GRIA2: variants seen among roughly 807,000 people sequenced by gnomAD.
GRIA2 encodes the protein glutamate receptor 2.
Under a neutral mutation model 97.3 loss-of-function variants are expected in GRIA2, and 14 were observed. The observed-to-expected ratio is 0.14, with a 90% confidence interval of 0.10 to 0.23. GRIA2 has a LOEUF of 0.23. Ranked by LOEUF, GRIA2 falls within the 10% of genes least tolerant of loss-of-function variation. The pLI is 1.00. For synonymous variants in GRIA2, 412 were observed against 387.8 expected (o/e 1.06, Z -0.73); for missense variants, 558 against 1,069.8 (o/e 0.52, Z 6.67).
chr4:157,331,928 G>C (rs1735065701), intron 6 of GRIA2, among the ~76,000 whole-genome samples: 2 of 151,960 alleles, frequency 1.3e-5, no homozygotes, highest in Admixed American at 1.3e-4. Context: ...AGTCAGTATG[G>C]TACAGTACTG....
chr4:157,356,646 A>T (rs1736391124), intron 12 of GRIA2, among the ~76,000 whole-genome samples: 1 of 152,178 alleles, frequency 6.6e-6, no homozygotes, highest in Non-Finnish European at 1.5e-5. Context: ...TGCTTTTGGT[A>T]GAACAATGTG....
chr4:157,351,370 T>G (rs1388392692), intron 12 of GRIA2, among the ~76,000 whole-genome samples: 1 of 152,204 alleles, frequency 6.6e-6, no homozygotes, highest in Non-Finnish European at 1.5e-5. Flanking sequence ...TCACTTGCTC[T>G]TCCTCTACAT....
At chr4:157,234,593 C>T (rs1246534569) in intron 2 of GRIA2, among the ~76,000 whole-genome samples, 2 of 152,070 alleles carry the variant, frequency 1.3e-5, no homozygotes, top group Non-Finnish European at 2.9e-5. Flanking sequence ...ACCACTGATA[C>T]ATTTGTGCAA....
intron 3 of GRIA2, among the ~76,000 whole-genome samples, chr4:157,304,492 A>G (rs1733752402): frequency 6.6e-6 from 1 of 152,116 alleles, no homozygotes; most frequent in South Asian, 2.1e-4. Flanking sequence ...GATTTATGTC[A>G]TAGAATCCCA....
chr4:157,316,012 A>G (rs185391009), intron 4 of GRIA2, among the ~76,000 whole-genome samples: 1 of 152,320 alleles, frequency 6.6e-6, no homozygotes, highest in Non-Finnish European at 1.5e-5. Context: ...AAATTTTTAT[A>G]TAGATGCTGG....
chr4:157,243,846 C>A (rs1009684593), intron 2 of GRIA2, among the ~76,000 whole-genome samples: 1 of 151,696 alleles, frequency 6.6e-6, no homozygotes, highest in African/African-American at 2.4e-5. Context: ...GTCCTAAGCT[C>A]TGAGGGGCAG....
chr4:157,343,352 A>C (rs762656926), intron 12 of GRIA2, among the ~76,000 whole-genome samples: 4 of 152,054 alleles, frequency 2.6e-5, no homozygotes, highest in Non-Finnish European at 5.9e-5. Context: ...AGAAGCTCAG[A>C]TATTTTGGGG....
At chr4:157,351,808 G>A (rs954194687) in intron 12 of GRIA2, among the ~76,000 whole-genome samples, 5 of 152,032 alleles carry the variant, frequency 3.3e-5, no homozygotes, top group Admixed American at 6.6e-5. Context: ...ACTTCTTCCC[G>A]CCACCTTGTG....
At chr4:157,260,277 T>C (rs1419883300) in intron 2 of GRIA2, among the ~76,000 whole-genome samples, 1 of 152,096 alleles carries the variant, frequency 6.6e-6, no homozygotes, top group East Asian at 1.9e-4. Flanking sequence ...TACCATTTCT[T>C]GAATTCATAC....
rs902039542 is a variant in GRIA2 at position 157,351,532 on chromosome 4, T to A, written c.2044-8364T>A. Among the ~76,000 whole-genome samples, 107 of 152,316 alleles carry A rather than the reference T, an allele frequency of 7.0e-4. 1 individual carries two copies. The highest frequency in any genetic ancestry group is 1.8e-4 in the Non-Finnish European group (12 of 68,022). On this transcript the variant is annotated intron_variant, in intron 12 of 15. Coordinates refer to ENST00000264426, the MANE Select transcript of GRIA2 (RefSeq NM_001083619.3). Reference sequence around the variant, plus strand: ...GCATTGACAACTTTAAAGTCATTGTTTTTTAAGCATAAAAATTACCAAAAA... The same window carrying A: ...GCATTGACAACTTTAAAGTCATTGTATTTTAAGCATAAAAATTACCAAAAA...
At chr4:157,241,412 T>G (rs560588197) in intron 2 of GRIA2, among the ~76,000 whole-genome samples, 1 of 152,218 alleles carries the variant, frequency 6.6e-6, no homozygotes, top group Admixed American at 6.6e-5. Flanking sequence ...CCATCCTATT[T>G]AGGACTCAAT....
intron 2 of GRIA2, among the ~76,000 whole-genome samples, chr4:157,290,758 T>C (rs1283906426): frequency 6.6e-6 from 1 of 151,834 alleles, no homozygotes; most frequent in African/African-American, 2.4e-5. Context: ...TTAGAAGCTC[T>C]GGTTCTCCCC....
Position 157,363,612 on chromosome 4 carries a change from T to G in GRIA2, c.*181T>G, listed in dbSNP as rs1469812090. 1 of 1,223,586 alleles carries G rather than the reference T, an allele frequency of 8.2e-7. No homozygotes were observed. The highest frequency in any genetic ancestry group is 1.0e-6 in the Non-Finnish European group (1 of 978,612). 75.8% of individuals were successfully genotyped at this position (1,223,586 alleles called of 1,614,324 possible). A position where few individuals can be genotyped will look rare whatever the true frequency, so the allele number is the denominator to read the frequency against. Reference sequence around the variant, plus strand: ...TGATCTCTCGTGATTGATAAGAACCTTTTGAGTGCCTTACACAATGGTTTT... The same window carrying G: ...TGATCTCTCGTGATTGATAAGAACCGTTTGAGTGCCTTACACAATGGTTTT... On this transcript the variant is annotated 3_prime_UTR_variant, in exon 16 of 16. Coordinates refer to ENST00000264426, the MANE Select transcript of GRIA2 (RefSeq NM_001083619.3).
At chr4:157,335,449 T>C in intron 9 of GRIA2, 1 of 541,246 alleles carries the variant, frequency 1.8e-6, no homozygotes. Flanking sequence ...CTCAGTATGC[T>C]TGCATACAAG....
intron 2 of GRIA2, among the ~76,000 whole-genome samples, chr4:157,273,403 A>G (rs1326339180): frequency 3.3e-5 from 5 of 152,092 alleles, no homozygotes; most frequent in Admixed American, 3.3e-4. Context: ...AACCAGAGTC[A>G]GATATGGAAA....
At chr4:157,360,691 C>T (rs761283354) in intron 13 of GRIA2, 28 of 491,638 alleles carry the variant, frequency 5.7e-5, no homozygotes, top group South Asian at 3.4e-4. Flanking sequence ...CCTATTTTGT[C>T]GTTTGTTTTT....
chr4:157,281,115 A>C (rs1398236565), intron 2 of GRIA2, among the ~76,000 whole-genome samples: 1 of 152,088 alleles, frequency 6.6e-6, no homozygotes, highest in Non-Finnish European at 1.5e-5. Flanking sequence ...AAATAGGTGA[A>C]AGGCACAGAA....
At chr4:157,295,879 A>G (rs1733326092) in intron 2 of GRIA2, among the ~76,000 whole-genome samples, 1 of 152,186 alleles carries the variant, frequency 6.6e-6, no homozygotes, top group Non-Finnish European at 1.5e-5. Flanking sequence ...CACTTACGAC[A>G]AACTTTAAAA....
intron 15 of GRIA2, 119 bp from the exon 16 acceptor site, chr4:157,363,316 G>A (rs1053359115): frequency 1.6e-6 from 1 of 621,812 alleles, no homozygotes; most frequent in Non-Finnish European, 2.4e-6. Context: ...GCTTTCATTT[G>A]CTAGAAGCTT....
Sources: gnomAD v4.1 joint callset for allele counts (sites outside exome capture counted in the v4.1 genomes callset) on GRCh38, gnomAD v4.1.1 for gene constraint, MANE v1.5 for transcripts, NCBI Gene and HGNC (gene_info 2026-07-23, HGNC 2026-07-21) for gene names.